The following ST18 variants were observed in gnomAD, a reference collection of about 807,000 sequenced individuals.
ST18 encodes the protein suppression of tumorigenicity 18 protein.
Under a neutral mutation model 110.0 loss-of-function variants are expected in ST18, and 50 were observed. The ratio of observed to expected loss-of-function variants is 0.45; its 90% CI spans 0.36 to 0.58. The LOEUF (loss-of-function observed/expected upper bound fraction) is 0.58. ST18 is among the 20% of genes least tolerant of loss of function. ST18 has a pLI of 0.00. For missense variants in ST18, 1,306 were observed against 1,280.1 expected (o/e 1.02, Z -0.31); for synonymous variants, 461 against 452.4 (o/e 1.02, Z -0.24).
At chr8:52,275,471 A>C (rs2095214394) in intron 2 of ST18, among the ~76,000 whole-genome samples, 1 of 152,234 alleles carries the variant, frequency 6.6e-6, no homozygotes, top group South Asian at 2.1e-4. Context: ...CAAGCTTTGC[A>C]AATTCAATCC....
intron 2 of ST18, among the ~76,000 whole-genome samples, chr8:52,236,678 T>A (rs1414590056): frequency 1.3e-5 from 2 of 151,636 alleles, no homozygotes; most frequent in African/African-American, 4.8e-5. Flanking sequence ...CTAGCTAAGA[T>A]GGCATCTTTC....
intron 2 of ST18, among the ~76,000 whole-genome samples, chr8:52,301,608 C>T (rs1215510461): frequency 6.6e-6 from 1 of 152,102 alleles, no homozygotes; most frequent in Non-Finnish European, 1.5e-5. Context: ...CACATTTACA[C>T]AAATTGAAAC....
At chr8:52,291,228 A>G (rs2095550933) in intron 2 of ST18, among the ~76,000 whole-genome samples, 1 of 152,042 alleles carries the variant, frequency 6.6e-6, no homozygotes, top group Non-Finnish European at 1.5e-5. Context: ...TTAAGCTCCC[A>G]TTTTTCAACC....
intron 2 of ST18, among the ~76,000 whole-genome samples, chr8:52,309,591 TATG>T (rs2095871539): frequency 6.6e-6 from 1 of 151,690 alleles, no homozygotes; most frequent in Non-Finnish European, 1.5e-5. Context: ...TATTTTTTTT[TATG>T]ATGAGACTAA....
chr8:52,300,197 T>C (rs1196793345), intron 2 of ST18, among the ~76,000 whole-genome samples: 2 of 152,230 alleles, frequency 1.3e-5, no homozygotes, highest in East Asian at 1.9e-4. Flanking sequence ...TCTTCCACCA[T>C]GCTGCCAAAC....
chr8:52,182,376 G>A (rs2070114695), intron 8 of ST18, among the ~76,000 whole-genome samples: 1 of 152,130 alleles, frequency 6.6e-6, no homozygotes, highest in Non-Finnish European at 1.5e-5. Context: ...ATCCCCAATA[G>A]CCAAGATGTG....
At chr8:52,231,886 T>C (rs2091487090) in intron 2 of ST18, among the ~76,000 whole-genome samples, 3 of 152,208 alleles carry the variant, frequency 2.0e-5, no homozygotes, top group African/African-American at 7.2e-5. Flanking sequence ...GTCAGAGCAG[T>C]GGCTCTGGAA....
chr8:52,229,467 C>G (rs776662783), intron 3 of ST18, among the ~76,000 whole-genome samples: 2 of 152,198 alleles, frequency 1.3e-5, no homozygotes, highest in Non-Finnish European at 2.9e-5. Context: ...CCATTCCCAG[C>G]TTCCACAGCC....
chr8:52,370,090 A>G (rs971618804), intron 2 of ST18, among the ~76,000 whole-genome samples: 1 of 152,210 alleles, frequency 6.6e-6, no homozygotes, highest in African/African-American at 2.4e-5. Flanking sequence ...CTCATGCTCC[A>G]TAGGAACTAC....
At chr8:52,197,233 C>T (rs2076454270) in intron 8 of ST18, among the ~76,000 whole-genome samples, 1 of 152,184 alleles carries the variant, frequency 6.6e-6, no homozygotes, top group East Asian at 1.9e-4. Context: ...ATATTTTATT[C>T]ATGTACCTAA....
intron 2 of ST18, among the ~76,000 whole-genome samples, chr8:52,313,679 G>A (rs940903583): frequency 1.3e-5 from 2 of 152,194 alleles, no homozygotes; most frequent in African/African-American, 4.8e-5. Flanking sequence ...GTGGTTTCCA[G>A]GGCCCAGACA....
intron 15 of ST18, among the ~76,000 whole-genome samples, chr8:52,156,380 A>T (rs2060025823): frequency 6.6e-6 from 1 of 152,118 alleles, no homozygotes; most frequent in South Asian, 2.1e-4. Context: ...TACACATGAA[A>T]CTCAAGAGAT....
rs1372161970 is a variant in ST18 at position 52,149,768 on chromosome 8, A to G, written c.2016T>C (p.Tyr672=). The G allele has an allele frequency of 8.7e-6, 14 of 1,614,008 alleles. No homozygotes were observed. The highest frequency in any genetic ancestry group is 1.2e-5 in the Non-Finnish European group (14 of 1,180,010). The part of the protein sequence containing the change: ...DQEGWDTPIN[Y]SKTHGKTEEE... ...CCTCTGTCTTCCCGTGAGTTTTGCT[A>G]TAGTTGATAGGAGTGTCCCAGCCCT... Residue 672 remains tyrosine (Y), a synonymous_variant, in exon 16 of 26, where the codon TAT becomes TAC. Coordinates refer to ENST00000689386, the MANE Select transcript of ST18 (RefSeq NM_001352837.2).
chr8:52,305,392 TCTC>T (rs555586952), intron 2 of ST18, among the ~76,000 whole-genome samples: 1 of 152,344 alleles, frequency 6.6e-6, no homozygotes, highest in South Asian at 2.1e-4. Flanking sequence ...TCCTTGATCT[TCTC>T]CTTACCCTCA....
intron 2 of ST18, among the ~76,000 whole-genome samples, chr8:52,267,398 G>A (rs1380674272): frequency 6.8e-6 from 1 of 147,882 alleles, no homozygotes; most frequent in Non-Finnish European, 1.5e-5. Context: ...AAATTGGAAT[G>A]TTGGAAATTT....
At chr8:52,161,119 A>C (rs2133162553) in intron 14 of ST18, among the ~76,000 whole-genome samples, 1 of 152,348 alleles carries the variant, frequency 6.6e-6, no homozygotes, top group South Asian at 2.1e-4. Flanking sequence ...ACTTAGATTC[A>C]ACAATAGCAT....
At position 52,180,139 on chromosome 8, in the gene ST18, T is replaced by A. The variant is rs372694519; in HGVS notation, c.260A>T (p.His87Leu). The A allele has an allele frequency of 1.2e-6, 2 of 1,614,008 alleles. No individual in the cohort carries two copies. The highest frequency in any genetic ancestry group is 2.7e-5 in the African/African-American group (2 of 74,906). ...RTEDDGPLETHGHSTAEEIMI... is the reference protein window; with the variant it reads ...RTEDDGPLETLGHSTAEEIMI... ...CTTGCTACCTGCGGTAGAGTGACCATGTGTTTCCAAGGGGCCATCGTCCTC... is the reference window on the plus strand; with the variant it reads ...CTTGCTACCTGCGGTAGAGTGACCAAGTGTTTCCAAGGGGCCATCGTCCTC... The change falls in exon 9 of 26, where the codon CAT becomes CTT. Residue 87 changes from histidine (H) to leucine (L), a missense_variant. His to Leu is a moderately conservative substitution (Grantham distance 99, BLOSUM62 -3). Coordinates refer to ENST00000689386, the MANE Select transcript of ST18 (RefSeq NM_001352837.2).
intron 8 of ST18, among the ~76,000 whole-genome samples, chr8:52,186,601 G>C: frequency 6.6e-6 from 1 of 152,136 alleles, no homozygotes; most frequent in East Asian, 1.9e-4. Context: ...ATGCACAAAA[G>C]GTATGTTCAA....
At chr8:52,276,094 A>ACACACACAT (rs2095238013) in intron 2 of ST18, among the ~76,000 whole-genome samples, 1 of 100,002 alleles carries the variant, frequency 1.0e-5, no homozygotes, top group Non-Finnish European at 2.1e-5. Context: ...GCCACACACC[A>ACACACACAT]CACACATGAA....
Sources: allele counts gnomAD v4.1 joint callset (sites outside exome capture counted in the v4.1 genomes callset), GRCh38; gene constraint gnomAD v4.1.1; transcripts MANE v1.5; gene names NCBI Gene and HGNC (gene_info 2026-07-23, HGNC 2026-07-21).